KCNIP3: variants seen among roughly 807,000 people sequenced by gnomAD.
The protein encoded by KCNIP3 is potassium voltage-gated channel interacting protein 3.
A neutral mutation model predicts 35.0 loss-of-function variants in KCNIP3; 28 were observed. The ratio of observed to expected loss-of-function variants is 0.80; its 90% CI spans 0.59 to 1.10. The LOEUF is 1.10. Ranked by LOEUF, KCNIP3 falls within the 50% of genes least tolerant of loss-of-function variation. KCNIP3 has a pLI of 0.00. For missense variants in KCNIP3, 295 were observed against 338.4 expected, an observed-to-expected ratio of 0.87 and a Z score of 1.01; for synonymous variants, 134 against 133.8, an observed-to-expected ratio of 1.00 and a Z score of -0.01.
At chr2:95,373,509 G>A (rs922597103) in intron 2 of KCNIP3, among the ~76,000 whole-genome samples, 8 of 131,360 alleles carry the variant, frequency 6.1e-5, no homozygotes, top group Admixed American at 1.9e-4. Flanking sequence ...TGCAAGCTCC[G>A]CCTCCCCGGT....
chr2:95,313,966 C>G (rs1226152346), intron 2 of KCNIP3: 1 of 152,166 alleles, frequency 6.6e-6, no homozygotes, highest in African/African-American at 2.4e-5. Context: ...CACAAGCACA[C>G]ACACATACAC....
intron 2 of KCNIP3, among the ~76,000 whole-genome samples, chr2:95,339,896 A>G (rs2104255970): frequency 6.6e-6 from 1 of 152,296 alleles, no homozygotes; most frequent in East Asian, 1.9e-4. Context: ...GCAGCCATTC[A>G]GGCACCCAGG....
intron 2 of KCNIP3, among the ~76,000 whole-genome samples, chr2:95,334,439 G>GC (rs1477036738): frequency 6.6e-6 from 1 of 152,226 alleles, no homozygotes; most frequent in Non-Finnish European, 1.5e-5. Flanking sequence ...AAGCCAGGCA[G>GC]CTGAGGTCAC....
intron 2 of KCNIP3, among the ~76,000 whole-genome samples, chr2:95,326,059 A>G (rs2104236901): frequency 6.6e-6 from 1 of 150,804 alleles, no homozygotes; most frequent in Non-Finnish European, 1.5e-5. Context: ...ACACACACAT[A>G]CACATTCACT....
chr2:95,330,658 T>C (rs1005267350), intron 2 of KCNIP3, among the ~76,000 whole-genome samples: 2 of 152,114 alleles, frequency 1.3e-5, no homozygotes, highest in African/African-American at 4.8e-5. Context: ...CTGGAGCCAG[T>C]GGCCACCGAT....
At chr2:95,357,529 G>A (rs1326006379) in intron 2 of KCNIP3, among the ~76,000 whole-genome samples, 3 of 152,144 alleles carry the variant, frequency 2.0e-5, no homozygotes, top group Admixed American at 6.5e-5. Flanking sequence ...CCCCTGGGGC[G>A]GTGGTTAGGG....
Position 95,384,014 on chromosome 2 carries a change from A to G in KCNIP3, c.736A>G (p.Met246Val), listed in dbSNP as rs771851206. ...LEACQKDENI[M>V]SSMQLFENVI Reference sequence around the variant, plus strand: ...TCTCTCCATGCAGGATGAGAACATCATGAGCTCCATGCAGCTGTTTGAGAA... The same window carrying G: ...TCTCTCCATGCAGGATGAGAACATCGTGAGCTCCATGCAGCTGTTTGAGAA... Residue 246 changes from methionine (M) to valine (V), a missense_variant, in exon 9 of 9, where the codon ATG (methionine) becomes GTG (valine). Coordinates refer to ENST00000295225, the MANE Select transcript of KCNIP3 (RefSeq NM_013434.5). The G allele has an allele frequency of 1.5e-5, 25 of 1,613,822 alleles. No homozygotes were observed. The highest frequency in any genetic ancestry group is 2.1e-5 in the Non-Finnish European group (25 of 1,179,964).
intron 2 of KCNIP3, among the ~76,000 whole-genome samples, chr2:95,326,013 A>G (rs1354563269): frequency 6.6e-6 from 1 of 151,808 alleles, no homozygotes. Context: ...AGACACACAC[A>G]TACACATTCA....
At chr2:95,334,470 C>T (rs1331690178) in intron 2 of KCNIP3, among the ~76,000 whole-genome samples, 2 of 152,196 alleles carry the variant, frequency 1.3e-5, no homozygotes, top group African/African-American at 2.4e-5. Flanking sequence ...ATCTCCCTAC[C>T]GTCACTATCC....
intron 1 of KCNIP3, among the ~76,000 whole-genome samples, chr2:95,305,853 C>T (rs772107147): frequency 1.3e-5 from 2 of 152,174 alleles, no homozygotes; most frequent in Admixed American, 6.5e-5. Flanking sequence ...TCCAGAATTC[C>T]GTGGTATGGA....
At chr2:95,311,622 T>C (rs1001665154) in intron 2 of KCNIP3, 1 of 152,262 alleles carries the variant, frequency 6.6e-6, no homozygotes, top group African/African-American at 2.4e-5. Context: ...GGTCCATGCC[T>C]GTGCACAAAG....
At chr2:95,331,268 C>G (rs959536864) in intron 2 of KCNIP3, among the ~76,000 whole-genome samples, 1 of 152,094 alleles carries the variant, frequency 6.6e-6, no homozygotes, top group South Asian at 2.1e-4. Flanking sequence ...GTGTCTGTTG[C>G]GTGAGAACGA....
At chr2:95,383,664 A>AG (rs1491420018) in intron 8 of KCNIP3, among the ~76,000 whole-genome samples, 1 of 152,170 alleles carries the variant, frequency 6.6e-6, no homozygotes, top group African/African-American at 2.4e-5. Context: ...AGAGCACCTC[A>AG]GGGGGCAGGA....
intron 1 of KCNIP3, among the ~76,000 whole-genome samples, chr2:95,299,736 G>A (rs1677973551): frequency 6.6e-6 from 1 of 152,236 alleles, no homozygotes; most frequent in Non-Finnish European, 1.5e-5. Context: ...CAGCCTTGTT[G>A]CAGGGCACTG....
chr2:95,327,475 C>G (rs1678823111), intron 2 of KCNIP3, among the ~76,000 whole-genome samples: 2 of 142,030 alleles, frequency 1.4e-5, no homozygotes, highest in Admixed American at 7.1e-5. Context: ...CACACTCACA[C>G]TCTCTGTCAC....
At chr2:95,309,747 C>T (rs1678265291) in intron 1 of KCNIP3, among the ~76,000 whole-genome samples, 1 of 152,152 alleles carries the variant, frequency 6.6e-6, no homozygotes, top group Non-Finnish European at 1.5e-5. Flanking sequence ...TTAATGACCA[C>T]CCATGACTCA....
chr2:95,344,274 T>A (rs150727078), intron 2 of KCNIP3, among the ~76,000 whole-genome samples: 1 of 129,726 alleles, frequency 7.7e-6, no homozygotes, highest in African/African-American at 2.7e-5. Context: ...GGTGGCGGGG[T>A]GGGGGGGGGC....
chr2:95,328,755 T>C (rs556298251), intron 2 of KCNIP3, among the ~76,000 whole-genome samples: 4 of 152,364 alleles, frequency 2.6e-5, no homozygotes, highest in African/African-American at 9.6e-5. Flanking sequence ...GAGCAGGCAT[T>C]GCTCCCCAGT....
chr2:95,373,417 T>G (rs1267473556), intron 2 of KCNIP3, among the ~76,000 whole-genome samples: 1 of 94,200 alleles, frequency 1.1e-5, no homozygotes, highest in Admixed American at 1.3e-4. Context: ...GTTTGTGGTT[T>G]TTTTTTTTTT....
Sources: allele counts gnomAD v4.1 joint callset (sites outside exome capture counted in the v4.1 genomes callset), GRCh38; gene constraint gnomAD v4.1.1; transcripts MANE v1.5; gene names NCBI Gene and HGNC (gene_info 2026-07-23, HGNC 2026-07-21).